Variants in RUNX1 observed in about 807,000 individuals in gnomAD.
The protein encoded by RUNX1 is RUNX family transcription factor 1, also known as runt-related transcription factor 1.
A neutral mutation model predicts 42.8 loss-of-function variants in RUNX1; 19 were observed. The observed-to-expected ratio is 0.44, with a 90% confidence interval of 0.31 to 0.65. The LOEUF (loss-of-function observed/expected upper bound fraction) is 0.65. Among genes scored for constraint, RUNX1 ranks in the 30% least tolerant of loss-of-function variants. RUNX1 has a pLI of 0.07. For synonymous variants in RUNX1, 271 were observed against 289.4 expected, an observed-to-expected ratio of 0.94 and a Z score of 0.64; for missense variants, 528 against 672.0, an observed-to-expected ratio of 0.79 and a Z score of 2.37.
chr21:35,010,555 T>C (rs374358788), intron 2 of RUNX1, among the ~76,000 whole-genome samples: 35 of 152,124 alleles, frequency 2.3e-4, no homozygotes, highest in African/African-American at 7.7e-4. Context: ...TGTTTAATAA[T>C]AGTTTGTTAA....
intron 6 of RUNX1, among the ~76,000 whole-genome samples, chr21:34,849,909 C>A (rs2057393183): frequency 6.6e-6 from 1 of 151,070 alleles, no homozygotes; most frequent in African/African-American, 2.4e-5. Context: ...TTAAGCTAAA[C>A]TGGAATTATT....
intron 2 of RUNX1, among the ~76,000 whole-genome samples, chr21:34,959,478 G>T (rs1399705826): frequency 6.6e-6 from 1 of 152,192 alleles, no homozygotes; most frequent in Non-Finnish European, 1.5e-5. Flanking sequence ...ATGCAGTGTG[G>T]ATGTTGGTGA....
intron 2 of RUNX1, among the ~76,000 whole-genome samples, chr21:34,965,995 G>C (rs542049469): frequency 6.6e-6 from 1 of 152,204 alleles, no homozygotes; most frequent in African/African-American, 2.4e-5. Context: ...GGGCGGTCTC[G>C]ATGGAGCAGT....
chr21:34,789,307 G>T lies in RUNX1; in HGVS notation c.*2828C>A, dbSNP rs1420181857. On this transcript the variant is annotated 3_prime_UTR_variant, in exon 9 of 9. Transcript: ENST00000675419. ...GAGAAAGTGGGGTTTGGAAGATAGA[G>T]GAAGAGAGAAAAAAAGGGAGATATT... 1 of 233,092 alleles carries T rather than the reference G, an allele frequency of 4.3e-6. No individual in the cohort carries two copies. The highest frequency in any genetic ancestry group is 2.2e-5 in the African/African-American group (1 of 45,188). The allele number at this position is 233,092 out of a possible 1,614,324, so 14.4% of individuals were successfully genotyped here.
intron 2 of RUNX1, among the ~76,000 whole-genome samples, chr21:34,997,627 A>G (rs1230323455): frequency 6.6e-6 from 1 of 152,218 alleles, no homozygotes; most frequent in African/African-American, 2.4e-5. Flanking sequence ...GGAGACTTTC[A>G]AAGAGAGGGG....
At chr21:34,997,687 G>GAC (rs2059007252) in intron 2 of RUNX1, among the ~76,000 whole-genome samples, 3 of 152,222 alleles carry the variant, frequency 2.0e-5, no homozygotes, top group Admixed American at 2.0e-4. Flanking sequence ...CTCTTTCTGT[G>GAC]TGGAGATGCT....
intron 2 of RUNX1, among the ~76,000 whole-genome samples, chr21:35,019,327 G>A (rs930196672): frequency 3.3e-5 from 5 of 152,228 alleles, no homozygotes; most frequent in East Asian, 1.9e-4. Flanking sequence ...CCTTCCAGTC[G>A]TCTGAATGGC....
intron 2 of RUNX1, among the ~76,000 whole-genome samples, chr21:34,991,544 C>CGATGATGAT (rs10578831): frequency 2.0e-5 from 3 of 150,990 alleles, no homozygotes; most frequent in African/African-American, 4.9e-5. Context: ...GCAGGGATTA[C>CGATGATGAT]GATGATGATG....
At chr21:34,930,717 T>A (rs112130938) in intron 2 of RUNX1, among the ~76,000 whole-genome samples, 30 of 131,620 alleles carry the variant, frequency 2.3e-4, no homozygotes, top group East Asian at 1.3e-3. Context: ...TCTCTCTCTC[T>A]CTCACACACA....
intron 2 of RUNX1, among the ~76,000 whole-genome samples, chr21:34,998,815 A>G (rs1195635187): frequency 6.6e-6 from 1 of 152,180 alleles, no homozygotes; most frequent in Non-Finnish European, 1.5e-5. Flanking sequence ...TGCTGGGATT[A>G]CAGGCGTGAG....
chr21:34,825,237 T>C (rs2056970013), intron 7 of RUNX1, among the ~76,000 whole-genome samples: 1 of 152,174 alleles, frequency 6.6e-6, no homozygotes, highest in Non-Finnish European at 1.5e-5. Context: ...TGTCATCTTT[T>C]GTTCCCATTT....
rs1238672639 is a variant in RUNX1 at position 34,788,071 on chromosome 21, T to C, written c.*4064A>G. ...TTGGAGAGAGGGTTCTGGGATATTC[T>C]CTCATGTCATCTGGCTGAAGACACC... On this transcript the variant is annotated 3_prime_UTR_variant, in exon 9 of 9. Transcript: ENST00000675419. The C allele has an allele frequency of 6.9e-5, 16 of 233,316 alleles. No individual in the cohort carries two copies. The East Asian group carries it at 9.6e-4, about 14-fold the overall frequency. The allele number at this position is 233,316 out of a possible 1,614,324, so 14.5% of individuals were successfully genotyped here.
chr21:34,967,582 GTTT>G (rs2058730852), intron 2 of RUNX1, among the ~76,000 whole-genome samples: 1 of 152,118 alleles, frequency 6.6e-6, no homozygotes, highest in African/African-American at 2.4e-5. Flanking sequence ...CTAATGTAGT[GTTT>G]TAAAGAGAAA....
intron 2 of RUNX1, among the ~76,000 whole-genome samples, chr21:34,910,979 A>G (rs1351442496): frequency 6.6e-6 from 1 of 152,130 alleles, no homozygotes; most frequent in Non-Finnish European, 1.5e-5. Context: ...TATTTGCCCC[A>G]GCTGGCTGTG....
At chr21:34,834,330 G>A (rs2057109073) in intron 7 of RUNX1, 80 bp downstream of exon 7, 1 of 1,417,652 alleles carries the variant, frequency 7.1e-7, no homozygotes, top group Non-Finnish European at 1.0e-6. Flanking sequence ...GGTCTGGGAA[G>A]GTGTGTGCAC....
At chr21:34,893,796 TTAAAA>T (rs1160760119) in intron 2 of RUNX1, among the ~76,000 whole-genome samples, 17 of 151,392 alleles carry the variant, frequency 1.1e-4, no homozygotes, top group East Asian at 5.8e-4. Context: ...AAAAAAACCT[TTAAAA>T]TAAGAGGAGA....
intron 5 of RUNX1, among the ~76,000 whole-genome samples, chr21:34,862,124 G>C (rs187487642): frequency 1.1e-3 from 168 of 152,164 alleles, no homozygotes; most frequent in South Asian, 3.1e-3. Context: ...ATGAGAGAGA[G>C]AGAGAGAGAG....
rs371285958 is a variant in RUNX1 at position 35,024,296 on chromosome 21, A to G, written c.58+24546T>C. Among the ~76,000 whole-genome samples the G allele has an allele frequency of 4.6e-5, 7 of 152,358 alleles. No homozygotes were observed. The East Asian group carries it at 1.4e-3, about 29-fold the overall frequency. On this transcript the variant is annotated intron_variant, in intron 2 of 8. Coordinates refer to ENST00000675419, the MANE Select transcript of RUNX1 (RefSeq NM_001754.5). Reference sequence around the variant, plus strand: ...CCATGAGGTAAATGCCAGGCATTGCAGAAGGCAGCCCATCAGGGTAGCAGA... The same window carrying G: ...CCATGAGGTAAATGCCAGGCATTGCGGAAGGCAGCCCATCAGGGTAGCAGA...
Position 34,792,949 on chromosome 21 carries a change from G to A in RUNX1, c.968-339C>T, listed in dbSNP as rs976051454. The stretch of plus-strand genomic sequence containing the variant: ...GACCACTCAGGATGCCACCTCCTGA[G>A]AGGACGGAGACCACCCAGGATGACA... On this transcript the variant is annotated intron_variant, in intron 8 of 8. Coordinates refer to ENST00000675419, the MANE Select transcript of RUNX1 (RefSeq NM_001754.5). The surrounding 1 kb of genome is among the most constrained non-coding windows in gnomAD (Gnocchi z 6.9). 1.4e-5 allele frequency among the ~76,000 whole-genome samples: 2 copies of A among 146,316 alleles called. No individual in the cohort carries two copies. Among genetic ancestry groups the A allele is most frequent in the Non-Finnish European group, 3.0e-5 (2 of 66,310 alleles).
Sources: allele counts gnomAD v4.1 joint callset (sites outside exome capture counted in the v4.1 genomes callset), GRCh38; gene constraint gnomAD v4.1.1; non-coding constraint Gnocchi (gnomAD v3.1); transcripts MANE v1.5; gene names NCBI Gene and HGNC (gene_info 2026-07-23, HGNC 2026-07-21).